Variants in ASB9 observed in about 807,000 individuals in gnomAD.
ASB9 encodes the protein ankyrin repeat and SOCS box containing 9, also known as ankyrin repeat and SOCS box protein 9.
Under a neutral mutation model 16.6 loss-of-function variants are expected in ASB9, and 5 were observed. That is an observed-to-expected ratio of 0.30 (90% CI 0.16 to 0.63). The LOEUF is 0.63. Ranked by LOEUF, ASB9 falls within the 30% of genes least tolerant of loss-of-function variation. The pLI is 0.82. For missense variants in ASB9, 216 were observed against 229.4 expected (o/e 0.94, Z 0.38); for synonymous variants, 100 against 86.4 (o/e 1.16, Z -0.87).
Position 15,254,724 on chromosome X carries a change from C to T in ASB9, c.282+13G>A, listed in dbSNP as rs750820180. The T allele has an allele frequency of 8.5e-7, 1 of 1,176,543 alleles. No homozygotes were observed. The highest frequency in any genetic ancestry group is 1.2e-6 in the Non-Finnish European group (1 of 864,002). ...ATTCTTGGTTTCTAAGATGTTGTTT[C>T]AGCTGCCCTTACCTGAGCTCCATGC... On this transcript the variant is annotated intron_variant, in intron 3 of 6. Transcript: ENST00000380488.
chrX:15,269,837 G>A lies in ASB9; in HGVS notation c.38C>T (p.Pro13Leu). Residue 13 changes from proline (P) to leucine (L), a missense_variant, in exon 1 of 7, where the codon CCC becomes CTC. Pro to Leu is a moderately conservative substitution (Grantham distance 98). Coordinates refer to ENST00000380488, the MANE Select transcript of ASB9 (RefSeq NM_001031739.3). ...GCCAGGAAAGTCCCTTGGCCCCGCG[G>A]GCTTGCTCCCATCCATGCCCCCTTG... ...GKQGGMDGSK[P>L]AGPRDFPGIR... The A allele has an allele frequency of 8.3e-7, 1 of 1,207,528 alleles. No individual in the cohort carries two copies. Among genetic ancestry groups the A allele is most frequent in the Non-Finnish European group, 1.1e-6 (1 of 893,552 alleles).
chrX:15,267,408 T>TAAA (rs1303483090), intron 1 of ASB9, among the ~76,000 whole-genome samples: 122 of 50,089 alleles, frequency 2.4e-3, no homozygotes, highest in South Asian at 8.2e-3. Context: ...AGACTCCATC[T>TAAA]AAAAAAAAAA....
chrX:15,253,645 G>A lies in ASB9; in HGVS notation c.282+1092C>T, dbSNP rs182536608. On this transcript the variant is annotated intron_variant, in intron 3 of 6. Transcript: ENST00000380488. The stretch of plus-strand genomic sequence containing the variant: ...CATAAAAACTGGTTAATGTCCTATA[G>A]GGCCATAAAAGTATAATCTTTGAGG... Among the ~76,000 whole-genome samples the A allele has an allele frequency of 5.4e-5, 6 of 111,640 alleles. No homozygotes were observed. The East Asian group carries it at 1.7e-3, about 31-fold the overall frequency.
chrX:15,262,404 A>G (rs1055293711), intron 1 of ASB9, among the ~76,000 whole-genome samples: 3 of 111,876 alleles, frequency 2.7e-5, no homozygotes, highest in Non-Finnish European at 1.9e-5. Flanking sequence ...TCAGCAGGAT[A>G]TGAGGCTTCC....
chrX:15,249,013 C>A, intron 5 of ASB9, 78 bp from the exon 6 acceptor site: 1 of 1,004,655 alleles, frequency 1.0e-6, no homozygotes, highest in Non-Finnish European at 1.3e-6. Flanking sequence ...CCCCGAGCCC[C>A]AAAATTTCCT....
At chrX:15,255,226 G>A (rs1434213212) in intron 2 of ASB9, among the ~76,000 whole-genome samples, 1 of 110,923 alleles carries the variant, frequency 9.0e-6, no homozygotes, top group Non-Finnish European at 1.9e-5. Flanking sequence ...AATTAACTTT[G>A]GTATAATCTT....
chrX:15,245,428 T>C (rs900135369), intron 6 of ASB9, among the ~76,000 whole-genome samples: 2 of 30,604 alleles, frequency 6.5e-5, no homozygotes, highest in Admixed American at 4.2e-4. Flanking sequence ...AGCGTCAAGG[T>C]TGAGAAACTC....
chrX:15,246,542 C>T (rs952971147), intron 6 of ASB9, among the ~76,000 whole-genome samples: 5 of 111,488 alleles, frequency 4.5e-5, no homozygotes, highest in African/African-American at 1.6e-4. Context: ...GTGGTGTGAT[C>T]TCAGCTCACT....
intron 1 of ASB9, among the ~76,000 whole-genome samples, chrX:15,266,689 C>A (rs1287076529): frequency 8.9e-6 from 1 of 111,832 alleles, no homozygotes; most frequent in Non-Finnish European, 1.9e-5. Context: ...GTAATCCCAG[C>A]ACTTTGGGAG....
At chrX:15,253,658 A>G (rs1925311719) in intron 3 of ASB9, among the ~76,000 whole-genome samples, 2 of 112,285 alleles carry the variant, frequency 1.8e-5, no homozygotes, top group South Asian at 7.4e-4. Context: ...CCATAAAAGT[A>G]TAATCTTTGA....
At chrX:15,245,344 A>G (rs1005964198) in intron 6 of ASB9, among the ~76,000 whole-genome samples, 3 of 110,738 alleles carry the variant, frequency 2.7e-5, no homozygotes, top group African/African-American at 9.9e-5. Flanking sequence ...CTGGCATCTA[A>G]TGGGAGAGGC....
At chrX:15,263,961 T>C (rs180791824) in intron 1 of ASB9, among the ~76,000 whole-genome samples, 98 of 111,583 alleles carry the variant, frequency 8.8e-4, no homozygotes, top group African/African-American at 2.9e-3. Context: ...TAAGTTTCTA[T>C]GAGTAGGTAT....
At chrX:15,247,001 T>C (rs182528189) in intron 6 of ASB9, among the ~76,000 whole-genome samples, 49 of 111,840 alleles carry the variant, frequency 4.4e-4, no homozygotes, top group East Asian at 2.0e-3. Flanking sequence ...ATTCAGAACA[T>C]GGTTGGGTTT....
chrX:15,264,766 A>T (rs140783540), intron 1 of ASB9, among the ~76,000 whole-genome samples: 98 of 112,105 alleles, frequency 8.7e-4, no homozygotes, highest in African/African-American at 2.7e-3. Context: ...AACCAACTAC[A>T]ATTGAGGTTT....
At chrX:15,259,118 G>C (rs1195219497) in intron 1 of ASB9, 173 bp from the exon 2 acceptor site, 1 of 359,824 alleles carries the variant, frequency 2.8e-6, no homozygotes, top group Non-Finnish European at 4.9e-6. Context: ...AATATTTTTT[G>C]TGCACAGTTT....
chrX:15,257,935 T>A (rs983192946), intron 2 of ASB9, among the ~76,000 whole-genome samples: 1 of 111,213 alleles, frequency 9.0e-6, no homozygotes, highest in African/African-American at 3.3e-5. Context: ...AAAAAATAAT[T>A]CCTCAGGTAG....
At chrX:15,263,307 G>C (rs751724459) in intron 1 of ASB9, among the ~76,000 whole-genome samples, 14 of 111,246 alleles carry the variant, frequency 1.3e-4, no homozygotes, top group African/African-American at 4.6e-4. Context: ...ACACAATAAG[G>C]GTGGATTCAG....
intron 2 of ASB9, among the ~76,000 whole-genome samples, chrX:15,256,311 CTTTTTTTTTTTTT>C (rs756206331): frequency 1.7e-5 from 1 of 57,358 alleles, no homozygotes; most frequent in African/African-American, 7.0e-5. Flanking sequence ...GCCTAAGATT[CTTTTTTTTTTTTT>C]TTTTTTTTTT....
Position 15,269,887 on chromosome X carries a change from T to A in ASB9, c.-13A>T. On this transcript the variant is annotated 5_prime_UTR_variant, in exon 1 of 7. Transcript: ENST00000380488. ...GTTTGCCATCCATGATGCTCTCTCC[T>A]AAGCGAGCAAGCTCTGCGCTCCACT... The A allele has an allele frequency of 1.0e-5, 12 of 1,176,155 alleles. No individual in the cohort carries two copies. Among genetic ancestry groups the A allele is most frequent in the Non-Finnish European group, 1.4e-5 (12 of 868,672 alleles).
Sources: gnomAD v4.1 joint callset for allele counts (sites outside exome capture counted in the v4.1 genomes callset) on GRCh38, gnomAD v4.1.1 for gene constraint, MANE v1.5 for transcripts, NCBI Gene and HGNC (gene_info 2026-07-23, HGNC 2026-07-21) for gene names.